GRIA3: variants seen among roughly 807,000 people sequenced by gnomAD.
GRIA3 encodes the protein glutamate receptor 3.
In GRIA3, 3 loss-of-function variants were observed where a neutral mutation model predicts 63.0. The ratio of observed to expected loss-of-function variants is 0.05; its 90% CI spans 0.02 to 0.12. The LOEUF is 0.12. Ranked by LOEUF, GRIA3 falls within the 10% of genes least tolerant of loss-of-function variation. The pLI is 1.00. For missense variants in GRIA3, 347 were observed against 700.9 expected (o/e 0.50, Z 5.70); for synonymous variants, 274 against 257.9 (o/e 1.06, Z -0.60).
chrX:123,223,935 C>A (rs892040041), intron 2 of GRIA3, among the ~76,000 whole-genome samples: 3 of 111,753 alleles, frequency 2.7e-5, no homozygotes, highest in Admixed American at 9.5e-5. Context: ...CTTTTCATTG[C>A]CAAATGTGTG....
chrX:123,399,215 G>A (rs767166851), intron 7 of GRIA3, among the ~76,000 whole-genome samples: 223 of 111,762 alleles, frequency 2.0e-3, no homozygotes, highest in African/African-American at 6.7e-3. Context: ...ACATTACAAA[G>A]GACAGCATCC....
chrX:123,335,021 G>A (rs778258801), intron 4 of GRIA3, among the ~76,000 whole-genome samples: 3 of 109,206 alleles, frequency 2.7e-5, no homozygotes, highest in Non-Finnish European at 3.8e-5. Flanking sequence ...CTAGTAGGGC[G>A]ATATGTCAAT....
intron 10 of GRIA3, among the ~76,000 whole-genome samples, chrX:123,412,509 A>G (rs887246011): frequency 8.9e-6 from 1 of 112,106 alleles, no homozygotes; most frequent in Admixed American, 9.5e-5. Flanking sequence ...ACATGCGGCC[A>G]AAAACTGCCT....
intron 5 of GRIA3, among the ~76,000 whole-genome samples, chrX:123,361,790 C>T (rs1263014995): frequency 1.8e-5 from 2 of 111,265 alleles, no homozygotes; most frequent in Admixed American, 1.9e-4. Context: ...TTATCTTCTC[C>T]CCAAACTCTC....
chrX:123,281,045 A>C (rs1455550844), intron 3 of GRIA3, among the ~76,000 whole-genome samples: 4 of 111,524 alleles, frequency 3.6e-5, no homozygotes, highest in Non-Finnish European at 5.6e-5. Flanking sequence ...AGCACATGCA[A>C]TATCCATGTC....
chrX:123,224,119 ACCATC>A (rs1455957093), intron 2 of GRIA3, among the ~76,000 whole-genome samples: 2 of 111,784 alleles, frequency 1.8e-5, no homozygotes, highest in East Asian at 5.6e-4. Context: ...GATACTGTTG[ACCATC>A]CTTTCCTTCT....
At chrX:123,314,033 G>A (rs1277879664) in intron 3 of GRIA3, among the ~76,000 whole-genome samples, 1 of 110,773 alleles carries the variant, frequency 9.0e-6, no homozygotes, top group Non-Finnish European at 1.9e-5. Flanking sequence ...TCATGCATAA[G>A]GCCTTCCCCC....
intron 13 of GRIA3, among the ~76,000 whole-genome samples, chrX:123,469,000 T>C (rs763552155): frequency 1.8e-4 from 20 of 112,677 alleles, no homozygotes; most frequent in Non-Finnish European, 3.8e-4. Context: ...TATGTTTCCA[T>C]AAGAATCAGG....
chrX:123,427,421 T>G (rs1456559390), intron 11 of GRIA3, among the ~76,000 whole-genome samples: 2 of 111,812 alleles, frequency 1.8e-5, no homozygotes, highest in Admixed American at 9.5e-5. Flanking sequence ...GATTTTAATG[T>G]GGAGCCAAGG....
At chrX:123,342,270 T>C in intron 4 of GRIA3, among the ~76,000 whole-genome samples, 1 of 112,123 alleles carries the variant, frequency 8.9e-6, no homozygotes, top group East Asian at 2.8e-4. Flanking sequence ...CTCTATTTCC[T>C]GAAAGAACAA....
chrX:123,297,724 T>G (rs945836789), intron 3 of GRIA3, among the ~76,000 whole-genome samples: 1 of 111,431 alleles, frequency 9.0e-6, no homozygotes, highest in Non-Finnish European at 1.9e-5. Context: ...AAAATATTTT[T>G]TTTAACTTTT....
At chrX:123,291,611 A>G (rs2147308244) in intron 3 of GRIA3, among the ~76,000 whole-genome samples, 1 of 111,456 alleles carries the variant, frequency 9.0e-6, no homozygotes, top group East Asian at 2.8e-4. Flanking sequence ...TTTAAGAGAA[A>G]GTATAAAAGA....
intron 13 of GRIA3, among the ~76,000 whole-genome samples, chrX:123,470,738 T>C (rs1279415837): frequency 3.6e-5 from 4 of 111,931 alleles, no homozygotes; most frequent in Non-Finnish European, 5.6e-5. Flanking sequence ...ACAATTCTCC[T>C]CTCCTATGCC....
chrX:123,267,749 A>T (rs1157592060), intron 3 of GRIA3, among the ~76,000 whole-genome samples: 1 of 111,991 alleles, frequency 8.9e-6, no homozygotes, highest in African/African-American at 3.2e-5. Context: ...AGCATAAAAT[A>T]GTGCCTATTC....
intron 6 of GRIA3, among the ~76,000 whole-genome samples, chrX:123,396,101 G>T (rs769747898): frequency 1.8e-5 from 2 of 108,255 alleles, no homozygotes; most frequent in East Asian, 2.9e-4. Context: ...AGACACTTGG[G>T]TGGCGGAGGC....
intron 3 of GRIA3, among the ~76,000 whole-genome samples, chrX:123,309,110 C>T (rs1399522141): frequency 9.0e-6 from 1 of 111,728 alleles, no homozygotes; most frequent in Non-Finnish European, 1.9e-5. Context: ...TCAGGCCAGG[C>T]GCAGTGGCTC....
intron 2 of GRIA3, among the ~76,000 whole-genome samples, chrX:123,244,449 C>A (rs1161459291): frequency 1.8e-5 from 2 of 112,516 alleles, no homozygotes; most frequent in African/African-American, 3.2e-5. Context: ...AGGGCAGGAT[C>A]AGGAAGATAG....
chrX:123,282,726 C>T (rs568659535), intron 3 of GRIA3, among the ~76,000 whole-genome samples: 5 of 112,294 alleles, frequency 4.5e-5, no homozygotes, highest in African/African-American at 9.7e-5. Context: ...GCCAACATGG[C>T]GAAACCCTGT....
At chrX:123,415,276 G>A (rs1265743443) in intron 10 of GRIA3, among the ~76,000 whole-genome samples, 3 of 111,942 alleles carry the variant, frequency 2.7e-5, no homozygotes, top group East Asian at 5.6e-4. Flanking sequence ...AGAGCCACCG[G>A]AATAGATTAG....
Sources: allele counts gnomAD v4.1 joint callset (sites outside exome capture counted in the v4.1 genomes callset), GRCh38; gene constraint gnomAD v4.1.1; transcripts MANE v1.5; gene names NCBI Gene and HGNC (gene_info 2026-07-23, HGNC 2026-07-21).